The following ZC3H13 variants were observed in gnomAD, a reference collection of about 807,000 sequenced individuals.
ZC3H13 encodes the protein zinc finger CCCH-type containing 13.
A neutral mutation model predicts 204.1 loss-of-function variants in ZC3H13; 64 were observed. That is an observed-to-expected ratio of 0.31 (90% CI 0.26 to 0.39). The LOEUF (loss-of-function observed/expected upper bound fraction) is 0.39. Among genes scored for constraint, ZC3H13 ranks in the 10% least tolerant of loss-of-function variants. The probability of loss-of-function intolerance (pLI) is 1.00; values close to 1 mark genes in which losing one functional copy is unlikely to be tolerated. For synonymous variants in ZC3H13, 667 were observed against 693.7 expected, an observed-to-expected ratio of 0.96 and a Z score of 0.60; for missense variants, 1,833 against 2,082.7, an observed-to-expected ratio of 0.88 and a Z score of 2.33.
At chr13:46,004,256 T>C (rs2040963150) in intron 7 of ZC3H13, among the ~76,000 whole-genome samples, 1 of 150,970 alleles carries the variant, frequency 6.6e-6, no homozygotes, top group South Asian at 2.1e-4. Flanking sequence ...TAACAAAAAG[T>C]AGATTTAGGT....
chr13:46,002,523 C>T (rs1173308700), intron 8 of ZC3H13, among the ~76,000 whole-genome samples: 1 of 152,124 alleles, frequency 6.6e-6, no homozygotes, highest in South Asian at 2.1e-4. Context: ...AACCCAAACA[C>T]CCATCAAATG....
At chr13:46,035,711 T>C (rs1245917633) in intron 4 of ZC3H13, among the ~76,000 whole-genome samples, 2 of 152,236 alleles carry the variant, frequency 1.3e-5, no homozygotes, top group Non-Finnish European at 2.9e-5. Flanking sequence ...ATTTAAACTA[T>C]GTTTTATTAT....
At chr13:46,046,488 C>G (rs142850027) in intron 1 of ZC3H13, among the ~76,000 whole-genome samples, 9 of 8,548 alleles carry the variant, frequency 1.1e-3, no homozygotes, top group African/African-American at 3.4e-3. Context: ...AAAACTCCGT[C>G]TCTACTAAAA....
At position 46,038,382 on chromosome 13, in the gene ZC3H13, T is replaced by C. The variant is rs144784534; in HGVS notation, c.339+3782A>G. 4.4e-3 allele frequency among the ~76,000 whole-genome samples: 666 copies of C among 152,346 alleles called. 5 individuals are homozygous for C. The highest frequency in any genetic ancestry group is 0.015 in the African/African-American group (627 of 41,592). ...TCCAGGTAATTACTTACTCTCTCCA[T>C]TGTGCATTTTGCTCGTATCTTTCTG... On this transcript the variant is annotated intron_variant, in intron 4 of 18. Coordinates refer to ENST00000679008, the MANE Select transcript of ZC3H13 (RefSeq NM_001330564.2).
rs372503416 is a variant in ZC3H13, at chr13:46,021,829, A to G, written c.340-1272T>C. The stretch of plus-strand genomic sequence containing the variant: ...CTTAAAACATATTATGTGGAACATC[A>G]ATGAAGAACTATCCTACATCCCAAA... On this transcript the variant is annotated intron_variant, in intron 4 of 18. Transcript: ENST00000679008. Among the ~76,000 whole-genome samples the G allele has an allele frequency of 1.1e-4, 16 of 152,076 alleles. No individual in the cohort carries two copies. In the East Asian group the frequency reaches 3.1e-3, roughly 29 times the overall value.
chr13:45,962,770 T>C, intron 17 of ZC3H13: 1 of 985,426 alleles, frequency 1.0e-6, no homozygotes, highest in Non-Finnish European at 1.2e-6. Flanking sequence ...TCCAGGGACA[T>C]GACGTAAAAT....
intron 5 of ZC3H13, among the ~76,000 whole-genome samples, chr13:46,013,275 G>A (rs972495698): frequency 1.3e-5 from 2 of 152,050 alleles, no homozygotes; most frequent in South Asian, 4.1e-4. Flanking sequence ...TTAGCTGGGC[G>A]AGGTGGCGCG....
intron 7 of ZC3H13, chr13:46,010,109 T>C (rs1593659295): frequency 6.7e-6 from 2 of 297,778 alleles, no homozygotes; most frequent in Admixed American, 9.4e-5. Flanking sequence ...ATGTATCTTG[T>C]ATTTTTATTT....
chr13:45,961,919 C>T (rs1951720936), intron 17 of ZC3H13, among the ~76,000 whole-genome samples: 1 of 151,940 alleles, frequency 6.6e-6, no homozygotes, highest in Admixed American at 6.6e-5. Flanking sequence ...AACCTTAGCG[C>T]AATTAGAAAA....
chr13:45,964,133 C>T (rs1395566296), intron 16 of ZC3H13, 91 bp from the exon 17 acceptor site: 43 of 1,284,256 alleles, frequency 3.3e-5, no homozygotes, highest in Non-Finnish European at 4.5e-5. Flanking sequence ...AAGGAGAAAA[C>T]AGAAAAAATG....
intron 3 of ZC3H13, among the ~76,000 whole-genome samples, chr13:46,044,172 TAA>T (rs75412065): frequency 2.6e-4 from 33 of 126,834 alleles, no homozygotes; most frequent in Admixed American, 3.2e-4. Flanking sequence ...ATCATTCAAC[TAA>T]AAAAAAAAAA....
At position 45,965,431 on chromosome 13, in the gene ZC3H13, T is replaced by C; in HGVS notation, c.4323A>G (p.Ala1441=). 3 of 1,611,462 alleles carry C rather than the reference T, an allele frequency of 1.9e-6. No homozygotes were observed. Among genetic ancestry groups the C allele is most frequent in the Non-Finnish European group, 2.5e-6 (3 of 1,178,946 alleles). Residue 1441 remains alanine (A), a splice_region_variant and synonymous_variant, in exon 16 of 19, where the codon GCA becomes GCG. Coordinates refer to ENST00000679008, the MANE Select transcript of ZC3H13 (RefSeq NM_001330564.2). ...NKSERTESLE[A]GDDESKLDDA... ...CATCTAACTTGGACTCGTCATCTCCTGCTAAATAGACAAATTAATTTCAGA... is the reference window on the plus strand; with the variant it reads ...CATCTAACTTGGACTCGTCATCTCCCGCTAAATAGACAAATTAATTTCAGA...
rs1189465148 is a variant in ZC3H13, at chr13:45,985,310, C to T, written c.1707G>A (p.Glu569=). The change falls in exon 10 of 19, where the codon GAG becomes GAA. Residue 569 remains glutamate (E), a synonymous_variant. Transcript: ENST00000679008. ...RMGRSRGRVP[E]LPEKGSRGSR... ...CAAAAACCTTACCCTTTTCAGGTAACTCAGGAACCCTCCCCCTACTTCGGC... is the reference window on the plus strand; with the variant it reads ...CAAAAACCTTACCCTTTTCAGGTAATTCAGGAACCCTCCCCCTACTTCGGC... The T allele has an allele frequency of 1.9e-6, 3 of 1,612,346 alleles. No homozygotes were observed. The highest frequency in any genetic ancestry group is 1.1e-5 in the South Asian group (1 of 90,834).
intron 4 of ZC3H13, among the ~76,000 whole-genome samples, chr13:46,031,805 G>A (rs781397516): frequency 2.6e-5 from 4 of 152,186 alleles, no homozygotes; most frequent in Admixed American, 6.5e-5. Context: ...TGGAGCAATC[G>A]AAACTCACTC....
chr13:45,998,499 A>T (rs1262175760), intron 8 of ZC3H13, among the ~76,000 whole-genome samples: 2 of 151,876 alleles, frequency 1.3e-5, no homozygotes, highest in African/African-American at 2.4e-5. Flanking sequence ...CAAAAAAAAA[A>T]TTAGCTGGGC....
intron 8 of ZC3H13, among the ~76,000 whole-genome samples, chr13:46,002,532 T>C (rs1022340073): frequency 1.3e-5 from 2 of 152,208 alleles, no homozygotes; most frequent in South Asian, 4.2e-4. Context: ...ACCCATCAAA[T>C]GGATGAATGG....
intron 4 of ZC3H13, among the ~76,000 whole-genome samples, chr13:46,023,274 T>C (rs557649388): frequency 4.6e-4 from 70 of 152,320 alleles, no homozygotes; most frequent in Admixed American, 3.9e-4. Context: ...CTCTGTGCTG[T>C]TGCACCCTTT....
chr13:46,044,187 AAAAT>A (rs2043782868), intron 3 of ZC3H13, among the ~76,000 whole-genome samples: 1 of 151,858 alleles, frequency 6.6e-6, no homozygotes. Flanking sequence ...AAAAAAAAAA[AAAAT>A]TCCAATTGCT....
chr13:45,982,068 AAAAG>A (rs1256100878), intron 10 of ZC3H13, among the ~76,000 whole-genome samples: 1 of 151,238 alleles, frequency 6.6e-6, no homozygotes, highest in Non-Finnish European at 1.5e-5. Context: ...AAAAAGAAAA[AAAAG>A]AACATATGAC....
Sources: gnomAD v4.1 joint callset for allele counts (sites outside exome capture counted in the v4.1 genomes callset) on GRCh38, gnomAD v4.1.1 for gene constraint, MANE v1.5 for transcripts, NCBI Gene and HGNC (gene_info 2026-07-23, HGNC 2026-07-21) for gene names.